Variants in CAST observed in about 807,000 individuals in gnomAD.
The protein encoded by CAST is MIR583 host.
A neutral mutation model predicts 119.6 loss-of-function variants in CAST; 76 were observed. The ratio of observed to expected loss-of-function variants is 0.64; its 90% confidence interval spans 0.53 to 0.77. The LOEUF is 0.77. Among genes scored for constraint, CAST ranks in the 30% least tolerant of loss-of-function variants. The pLI, the probability that CAST is intolerant of heterozygous loss-of-function variation, is 0.00. For missense variants in CAST, 953 were observed against 946.5 expected (o/e 1.01, Z -0.09); for synonymous variants, 319 against 331.6 (o/e 0.96, Z 0.41).
the CAST span, among the ~76,000 whole-genome samples, chr5:96,197,862 G>C: frequency 3.3e-5 from 5 of 152,126 alleles, no homozygotes; most frequent in Non-Finnish European, 7.4e-5. Flanking sequence ...GGGCTCAAGT[G>C]ATCCTCCCAT....
intron 1 of CAST, among the ~76,000 whole-genome samples, chr5:96,599,460 A>G (rs950686424): frequency 6.6e-6 from 1 of 152,188 alleles, no homozygotes; most frequent in Non-Finnish European, 1.5e-5. Context: ...AAATTCATCT[A>G]CTGTAATATC....
chr5:96,037,543 G>A, the CAST span, among the ~76,000 whole-genome samples: 1 of 152,130 alleles, frequency 6.6e-6, no homozygotes, highest in African/African-American at 2.4e-5. Flanking sequence ...CCATGTATGT[G>A]TGGATAAATG....
chr5:96,402,406 G>A, the CAST span, among the ~76,000 whole-genome samples: 12 of 152,160 alleles, frequency 7.9e-5, no homozygotes, highest in African/African-American at 2.7e-4. Context: ...GCTGGTGAGA[G>A]CTTTCCTTCC....
the CAST span, among the ~76,000 whole-genome samples, chr5:96,010,703 A>T: frequency 6.6e-6 from 1 of 152,256 alleles, no homozygotes; most frequent in Non-Finnish European, 1.5e-5. Context: ...CAGTATGACC[A>T]TTTAAACAAT....
chr5:96,143,315 A>G, the CAST span, among the ~76,000 whole-genome samples: 1 of 152,230 alleles, frequency 6.6e-6, no homozygotes, highest in Admixed American at 6.5e-5. Flanking sequence ...TGCTGGGTTA[A>G]CTGAGACTCC....
the CAST span, among the ~76,000 whole-genome samples, chr5:96,513,269 G>A: frequency 2.0e-5 from 3 of 152,278 alleles, no homozygotes; most frequent in East Asian, 5.8e-4. Context: ...GTAGGCACTG[G>A]GGCTACCACA....
chr5:96,024,624 A>C, the CAST span, among the ~76,000 whole-genome samples: 43 of 152,310 alleles, frequency 2.8e-4, no homozygotes, highest in Middle Eastern at 3.4e-3. Context: ...AAGCAAGATA[A>C]TAGTCTGTTA....
the CAST span, among the ~76,000 whole-genome samples, chr5:96,336,549 A>T: frequency 2.6e-5 from 4 of 152,230 alleles, no homozygotes; most frequent in East Asian, 5.8e-4. Flanking sequence ...TAAACCCGGC[A>T]GAACTTGTCT....
upstream of CAST, among the ~76,000 whole-genome samples, chr5:96,529,372 G>GTT (rs11397914): frequency 0.051 from 7,406 of 146,266 alleles, 342 homozygotes; most frequent in African/African-American, 0.12. Flanking sequence ...TAATCATTGG[G>GTT]TTTTTTTTTT....
At chr5:96,165,315 A>G in the CAST span, among the ~76,000 whole-genome samples, 1 of 152,082 alleles carries the variant, frequency 6.6e-6, no homozygotes, top group Non-Finnish European at 1.5e-5. Context: ...GGGAGGATAT[A>G]TGTGTGCAGA....
At chr5:96,761,790 G>A (rs1333862869) in intron 24 of CAST, 1 of 154,036 alleles carries the variant, frequency 6.5e-6, no homozygotes, top group African/African-American at 2.4e-5. Flanking sequence ...ATTTTACACT[G>A]ATTATCATAA....
intron 9 of CAST, among the ~76,000 whole-genome samples, chr5:96,735,387 A>G (rs891856396): frequency 3.3e-5 from 5 of 152,054 alleles, no homozygotes; most frequent in Admixed American, 3.3e-4. Context: ...TTTATCTTAA[A>G]CCCAACAACT....
At chr5:96,768,383 CCTTA>C in intron 29 of CAST, 1 of 456,640 alleles carries the variant, frequency 2.2e-6, no homozygotes, top group Non-Finnish European at 4.4e-6. Context: ...TGCGCCTGGC[CCTTA>C]CAATTTTTAA....
chr5:96,564,784 G>A (rs902512120), intron 1 of CAST, among the ~76,000 whole-genome samples: 6 of 152,186 alleles, frequency 3.9e-5, no homozygotes, highest in African/African-American at 1.2e-4. Context: ...GATGGCATGT[G>A]CCTGTAGTCT....
At chr5:96,464,076 T>C in the CAST span, among the ~76,000 whole-genome samples, 1 of 151,984 alleles carries the variant, frequency 6.6e-6, no homozygotes, top group Non-Finnish European at 1.5e-5. Flanking sequence ...GAAACATGTG[T>C]GATAGATTTT....
At chr5:96,318,704 G>C in the CAST span, 2 of 152,160 alleles carry the variant, frequency 1.3e-5, no homozygotes, top group Non-Finnish European at 2.9e-5. Context: ...CCCCTTGCAT[G>C]ATGGGCAACT....
the CAST span, among the ~76,000 whole-genome samples, chr5:96,139,589 ATGTT>A: frequency 1.3e-5 from 2 of 150,110 alleles, no homozygotes; most frequent in African/African-American, 4.9e-5. Flanking sequence ...CGTTGCTGTT[ATGTT>A]TATTTTTTAT....
chr5:96,210,259 C>T, the CAST span: 2 of 151,996 alleles, frequency 1.3e-5, no homozygotes, highest in Non-Finnish European at 2.9e-5. Flanking sequence ...ACAACTCAAT[C>T]CCAAAATTTT....
the CAST span, among the ~76,000 whole-genome samples, chr5:96,490,726 T>C: frequency 6.6e-6 from 1 of 152,094 alleles, no homozygotes; most frequent in Admixed American, 6.5e-5. Flanking sequence ...ACCTCCTACC[T>C]GATACTACTA....
Sources: gnomAD v4.1 joint callset for allele counts (sites outside exome capture counted in the v4.1 genomes callset) on GRCh38, gnomAD v4.1.1 for gene constraint, MANE v1.5 for transcripts, NCBI Gene and HGNC (gene_info 2026-07-23, HGNC 2026-07-21) for gene names.